Variants in XKR9 observed in about 807,000 individuals in gnomAD.
The protein encoded by XKR9 is XK-related protein 9.
A neutral mutation model predicts 32.0 loss-of-function variants in XKR9; 32 were observed. The observed-to-expected ratio is 1.00, with a 90% confidence interval of 0.76 to 1.34. The LOEUF is 1.34. Among genes scored for constraint, XKR9 ranks in the 40% most tolerant of loss-of-function variants. The probability of loss-of-function intolerance (pLI) is 0.00; values close to 1 mark genes in which losing one functional copy is unlikely to be tolerated. For missense variants in XKR9, 546 were observed against 429.7 expected (o/e 1.27, Z -2.39); for synonymous variants, 168 against 143.4 (o/e 1.17, Z -1.22).
chr8:71,037,746 A>G, the XKR9 span, among the ~76,000 whole-genome samples: 1 of 152,348 alleles, frequency 6.6e-6, no homozygotes, highest in Admixed American at 6.5e-5. Context: ...CTTTACAGTG[A>G]CAAATCTTCA....
chr8:70,791,881 T>C (rs1438971213), downstream of XKR9, among the ~76,000 whole-genome samples: 1 of 152,136 alleles, frequency 6.6e-6, no homozygotes, highest in Non-Finnish European at 1.5e-5. Flanking sequence ...TTAAGTGATT[T>C]ACCCCCTTCA....
At chr8:70,726,873 C>G (rs1462051480) in intron 4 of XKR9, among the ~76,000 whole-genome samples, 2 of 152,224 alleles carry the variant, frequency 1.3e-5, no homozygotes, top group African/African-American at 4.8e-5. Context: ...CATGGCAATG[C>G]TCCTGCTCCT....
the XKR9 span, among the ~76,000 whole-genome samples, chr8:70,931,661 C>T: frequency 1.3e-5 from 2 of 152,172 alleles, no homozygotes; most frequent in South Asian, 4.1e-4. Context: ...AAGCATGGCA[C>T]TGGCATCTGT....
intron 3 of XKR9, among the ~76,000 whole-genome samples, chr8:70,696,790 C>T (rs1268177183): frequency 6.6e-5 from 10 of 151,406 alleles, no homozygotes; most frequent in Non-Finnish European, 8.9e-5. Flanking sequence ...GCCATTTTCA[C>T]GATATTGATT....
At chr8:70,693,899 A>G (rs1177588763) in intron 3 of XKR9, among the ~76,000 whole-genome samples, 1 of 151,798 alleles carries the variant, frequency 6.6e-6, no homozygotes, top group Non-Finnish European at 1.5e-5. Context: ...GCAGTGGCAA[A>G]GAGGCTTTCA....
the XKR9 span, among the ~76,000 whole-genome samples, chr8:70,872,649 G>C: frequency 4.6e-5 from 7 of 152,188 alleles, no homozygotes; most frequent in African/African-American, 1.4e-4. Context: ...GTCTTGTTAG[G>C]GGCTAATGCA....
At chr8:70,946,144 A>G in the XKR9 span, among the ~76,000 whole-genome samples, 2 of 152,232 alleles carry the variant, frequency 1.3e-5, no homozygotes, top group East Asian at 3.9e-4. Flanking sequence ...AAAAAAGAAA[A>G]AAGAAAAACA....
At chr8:70,874,510 T>C in the XKR9 span, among the ~76,000 whole-genome samples, 1 of 152,196 alleles carries the variant, frequency 6.6e-6, no homozygotes, top group Non-Finnish European at 1.5e-5. Context: ...AACAGAAGAA[T>C]ATTTTAAGAT....
intron 3 of XKR9, among the ~76,000 whole-genome samples, chr8:70,703,323 C>A (rs1295689209): frequency 6.6e-6 from 1 of 151,752 alleles, no homozygotes; most frequent in Admixed American, 6.6e-5. Context: ...GGTCTTAAGT[C>A]TTTTGAGTGT....
the XKR9 span, among the ~76,000 whole-genome samples, chr8:70,925,828 G>C: frequency 2.6e-5 from 4 of 152,110 alleles, no homozygotes; most frequent in Non-Finnish European, 4.4e-5. Context: ...AACTGGGATA[G>C]GGCACAGGAA....
chr8:70,696,420 C>T (rs1342641443), intron 3 of XKR9, among the ~76,000 whole-genome samples: 2 of 151,406 alleles, frequency 1.3e-5, no homozygotes, highest in African/African-American at 2.4e-5. Context: ...GTTTTCCCAG[C>T]ACCATTTATT....
At chr8:70,681,957 TA>T (rs958316526) in intron 3 of XKR9, among the ~76,000 whole-genome samples, 4 of 152,110 alleles carry the variant, frequency 2.6e-5, no homozygotes, top group African/African-American at 7.2e-5. Flanking sequence ...TTGAATGTAT[TA>T]AAAAAATTCC....
chr8:70,696,699 G>GT (rs1161695201), intron 3 of XKR9, among the ~76,000 whole-genome samples: 8 of 146,080 alleles, frequency 5.5e-5, no homozygotes, highest in Non-Finnish European at 1.1e-4. Flanking sequence ...CTTTAAAGTA[G>GT]TTTTTTCCAA....
chr8:70,994,650 C>CATA, the XKR9 span, among the ~76,000 whole-genome samples: 43 of 150,866 alleles, frequency 2.9e-4, 1 homozygote, highest in African/African-American at 1.0e-3. Context: ...GGTTCTTGGC[C>CATA]ATTATTACTC....
At chr8:70,846,728 G>A in the XKR9 span, among the ~76,000 whole-genome samples, 827 of 152,018 alleles carry the variant, frequency 5.4e-3, 12 homozygotes, top group African/African-American at 0.019. Context: ...AGCAGAAATG[G>A]CTATACTTAT....
intron 4 of XKR9, among the ~76,000 whole-genome samples, chr8:70,723,410 T>G (rs1806348768): frequency 6.6e-6 from 1 of 152,200 alleles, no homozygotes; most frequent in Non-Finnish European, 1.5e-5. Context: ...TTTTCAGCAT[T>G]TTTGTGCTGG....
chr8:70,950,171 G>A, the XKR9 span, among the ~76,000 whole-genome samples: 7 of 152,182 alleles, frequency 4.6e-5, no homozygotes, highest in African/African-American at 4.8e-5. Flanking sequence ...AGGCACAGTG[G>A]TGAGCAACAA....
intron 2 of XKR9, among the ~76,000 whole-genome samples, chr8:70,782,275 G>T (rs934503917): frequency 6.6e-6 from 1 of 151,902 alleles, no homozygotes; most frequent in Non-Finnish European, 1.5e-5. Flanking sequence ...ATTTTTTATT[G>T]TAAATTGACA....
At chr8:70,759,542 G>A (rs1586886938) in intron 2 of XKR9, among the ~76,000 whole-genome samples, 2 of 151,198 alleles carry the variant, frequency 1.3e-5, no homozygotes, top group Non-Finnish European at 3.0e-5. Context: ...GAAAACAAAT[G>A]TTTTTTTTTC....
Sources: allele counts gnomAD v4.1 joint callset (sites outside exome capture counted in the v4.1 genomes callset), GRCh38; gene constraint gnomAD v4.1.1; transcripts MANE v1.5; gene names NCBI Gene and HGNC (gene_info 2026-07-23, HGNC 2026-07-21).